The following ZNF98 variants were observed in gnomAD, a reference collection of about 807,000 sequenced individuals.
The protein encoded by ZNF98 is zinc finger protein 98, also known as zinc finger protein 739.
Under a neutral mutation model 12.8 loss-of-function variants are expected in ZNF98, and 8 were observed. The ratio of observed to expected loss-of-function variants is 0.63; its 90% CI spans 0.37 to 1.13. ZNF98 has a LOEUF of 1.13. Among genes scored for constraint, ZNF98 ranks in the 50% most tolerant of loss-of-function variants. ZNF98 has a pLI of 0.01. For missense variants in ZNF98, 379 were observed against 666.1 expected, an observed-to-expected ratio of 0.57 and a Z score of 4.74; for synonymous variants, 112 against 223.5, an observed-to-expected ratio of 0.50 and a Z score of 4.45.
At chr19:22,403,631 T>C in intron 1 of ZNF98, 119 bp from the exon 2 acceptor site, 1 of 945,972 alleles carries the variant, frequency 1.1e-6, no homozygotes, top group South Asian at 2.1e-5. Context: ...GAGTGACTGA[T>C]ATATTTAATA....
intron 3 of ZNF98, among the ~76,000 whole-genome samples, chr19:22,401,686 T>C (rs1025001194): frequency 6.6e-6 from 1 of 151,376 alleles, no homozygotes; most frequent in African/African-American, 2.4e-5. Context: ...GGTTTCATCA[T>C]GTTGGCCAGG....
intron 3 of ZNF98, among the ~76,000 whole-genome samples, chr19:22,402,219 T>A (rs1969467543): frequency 6.8e-6 from 1 of 146,328 alleles, no homozygotes; most frequent in African/African-American, 2.5e-5. Context: ...AAAATACAAT[T>A]CTCACATAGA....
rs1284351828 is a variant in ZNF98 at position 22,411,721 on chromosome 19, GATAAACAAA to G, written c.31-8218_31-8210del. ...AATCTAAATGCGTTAATAAAACAGA[GATAAACAAA>G]ATATCCTCCCTTATTTTCACATATG... On this transcript the variant is annotated intron_variant, in intron 1 of 3. Coordinates refer to ENST00000357774, the MANE Select transcript of ZNF98 (RefSeq NM_001098626.2). 3.3e-5 allele frequency among the ~76,000 whole-genome samples: 5 copies of G among 152,260 alleles called. No individual in the cohort carries two copies. The South Asian group carries it at 1.0e-3, about 32-fold the overall frequency.
At chr19:22,407,383 A>G (rs550112667) in intron 1 of ZNF98, among the ~76,000 whole-genome samples, 1 of 147,556 alleles carries the variant, frequency 6.8e-6, no homozygotes, top group South Asian at 2.2e-4. Context: ...TTCAAAAAAC[A>G]GCTCCTGAAT....
rs369815136 is a variant in ZNF98 at position 22,391,681 on chromosome 19, G to C, written c.1554C>G (p.Tyr518Ter). The change falls in exon 4 of 4, where the codon TAC (tyrosine) becomes TAG (stop). Residue 518 changes from tyrosine to a stop codon, truncating the protein, a stop_gained. Transcript: ENST00000357774. LOFTEE classifies it low-confidence loss of function (END_TRUNC). ...HKMIHTGEKP[Y>*]KCEECGKAFN... ...AGGCTTTGCCGCATTCTTCACACTT[G>C]TAGGGTTTCTCTCCAGTATGAATCA... 8.7e-6 allele frequency: 14 copies of C among 1,613,864 alleles called. No homozygotes were observed. Among genetic ancestry groups the C allele is most frequent in the East Asian group, 2.2e-5 (1 of 44,864 alleles).
At chr19:22,410,740 T>C (rs1969572075) in intron 1 of ZNF98, among the ~76,000 whole-genome samples, 1 of 152,184 alleles carries the variant, frequency 6.6e-6, no homozygotes. Context: ...AATCACTTGG[T>C]AATGTTGGTC....
chr19:22,411,209 A>G (rs1206613257), intron 1 of ZNF98, among the ~76,000 whole-genome samples: 1 of 138,772 alleles, frequency 7.2e-6, no homozygotes. Flanking sequence ...TGCCTGGCTA[A>G]TTTTTTTTGT....
chr19:22,406,241 T>G (rs1969517294), intron 1 of ZNF98, among the ~76,000 whole-genome samples: 1 of 151,962 alleles, frequency 6.6e-6, no homozygotes, highest in Non-Finnish European at 1.5e-5. Context: ...TGTTGTTCCT[T>G]GAGGTCAGGC....
chr19:22,396,715 C>T (rs1969398043), intron 3 of ZNF98, among the ~76,000 whole-genome samples: 1 of 151,946 alleles, frequency 6.6e-6, no homozygotes, highest in Non-Finnish European at 1.5e-5. Flanking sequence ...CAAATGAGAG[C>T]AGAAGAAATC....
chr19:22,405,380 T>G (rs1217909223), intron 1 of ZNF98, among the ~76,000 whole-genome samples: 1 of 151,748 alleles, frequency 6.6e-6, no homozygotes, highest in Non-Finnish European at 1.5e-5. Context: ...ATCCTGCACT[T>G]GCACCTGAGG....
At chr19:22,406,334 G>A (rs1264017820) in intron 1 of ZNF98, among the ~76,000 whole-genome samples, 5 of 151,948 alleles carry the variant, frequency 3.3e-5, no homozygotes, top group African/African-American at 9.7e-5. Context: ...AGTGAACCAC[G>A]TAAATAGGGC....
chr19:22,391,695 C>A lies in ZNF98; in HGVS notation c.1540G>T (p.Gly514Ter). 6.2e-7 allele frequency: 1 copy of A among 1,614,030 alleles called. No individual in the cohort carries two copies. Among genetic ancestry groups the A allele is most frequent in the East Asian group, 2.2e-5 (1 of 44,854 alleles). Residue 514 changes from glycine to a stop codon, truncating the protein, a stop_gained, in exon 4 of 4, where the codon GGA becomes TGA. Coordinates refer to ENST00000357774, the MANE Select transcript of ZNF98 (RefSeq NM_001098626.2). LOFTEE classifies it low-confidence loss of function (END_TRUNC). Reference sequence around the variant, plus strand: ...TCTTCACACTTGTAGGGTTTCTCTCCAGTATGAATCATCTTATGTGTAGTA... The same window carrying A: ...TCTTCACACTTGTAGGGTTTCTCTCAAGTATGAATCATCTTATGTGTAGTA... ...HLTTHKMIHT[G>*]EKPYKCEECG... is the part of the protein sequence containing the mutation.
At chr19:22,421,804 G>A (rs544205308) in intron 1 of ZNF98, among the ~76,000 whole-genome samples, 4 of 152,244 alleles carry the variant, frequency 2.6e-5, no homozygotes, top group South Asian at 4.1e-4. Context: ...GGCGAAAAGA[G>A]GAACTAGGAA....
chr19:22,393,112 T>C (rs1481439468), intron 3 of ZNF98, 131 bp from the exon 4 acceptor site: 1 of 967,876 alleles, frequency 1.0e-6, no homozygotes, highest in Non-Finnish European at 1.4e-6. Context: ...GCTCTAACAT[T>C]TTCACAGACA....
At chr19:22,413,805 G>GT (rs1969606457) in intron 1 of ZNF98, among the ~76,000 whole-genome samples, 1 of 142,474 alleles carries the variant, frequency 7.0e-6, no homozygotes, top group South Asian at 2.2e-4. Flanking sequence ...GGAGGCAGAG[G>GT]TTGTGGTGAG....
At position 22,391,145 on chromosome 19, in the gene ZNF98, T is replaced by G. The variant is rs1157781173; in HGVS notation, c.*371A>C. The stretch of plus-strand genomic sequence containing the variant: ...AATACAGAATGAATACAACAAGATC[T>G]GTGTTACAAGTAAAGTTACCACAAC... On this transcript the variant is annotated 3_prime_UTR_variant, in exon 4 of 4. Transcript: ENST00000357774. 4 of 211,696 alleles carry G rather than the reference T, an allele frequency of 1.9e-5. No individual in the cohort carries two copies. The highest frequency in any genetic ancestry group is 3.8e-5 in the Non-Finnish European group (4 of 104,884). The allele number at this position is 211,696 out of a possible 1,614,324, so 13.1% of individuals were successfully genotyped here. A position where few individuals can be genotyped will look rare whatever the true frequency, so the allele number is the denominator to read the frequency against.
Position 22,414,445 on chromosome 19 carries a change from C to T in ZNF98, c.30+7750G>A, listed in dbSNP as rs535784503. Reference sequence around the variant, plus strand: ...CCCAAATAGCCAAGCCAATCATAAGCGAAAAGAACAAAGCTGAAGTCATTA... The same window carrying T: ...CCCAAATAGCCAAGCCAATCATAAGTGAAAAGAACAAAGCTGAAGTCATTA... On this transcript the variant is annotated intron_variant, in intron 1 of 3. Transcript: ENST00000357774. Among the ~76,000 whole-genome samples, 4 of 151,952 alleles carry T rather than the reference C, an allele frequency of 2.6e-5. No homozygotes were observed. The South Asian group carries it at 6.2e-4, about 24-fold the overall frequency.
At chr19:22,418,405 A>C (rs1201278058) in intron 1 of ZNF98, among the ~76,000 whole-genome samples, 2 of 152,228 alleles carry the variant, frequency 1.3e-5, no homozygotes, top group Non-Finnish European at 2.9e-5. Flanking sequence ...GGGAAAGATG[A>C]AGCACATAGA....
intron 3 of ZNF98, among the ~76,000 whole-genome samples, chr19:22,394,466 G>C (rs1355440216): frequency 6.6e-6 from 1 of 152,168 alleles, no homozygotes; most frequent in East Asian, 1.9e-4. Flanking sequence ...AATGGATTAA[G>C]AAAATGTGGC....
Sources: gnomAD v4.1 joint callset for allele counts (sites outside exome capture counted in the v4.1 genomes callset) on GRCh38, gnomAD v4.1.1 for gene constraint, MANE v1.5 for transcripts, NCBI Gene and HGNC (gene_info 2026-07-23, HGNC 2026-07-21) for gene names.